DPP10: variants seen among roughly 807,000 people sequenced by gnomAD.
DPP10 encodes the protein dipeptidyl peptidase like 10, also known as inactive dipeptidyl peptidase 10.
DPP10 carries 33 observed loss-of-function variants against 120.9 expected under a neutral mutation model. That is an observed-to-expected ratio of 0.27 (90% CI 0.21 to 0.37). DPP10 has a LOEUF of 0.37. DPP10 is among the 10% of genes least tolerant of loss of function. The probability of loss-of-function intolerance (pLI) is 1.00; values close to 1 mark genes in which losing one functional copy is unlikely to be tolerated. For synonymous variants in DPP10, 337 were observed against 326.1 expected (o/e 1.03, Z -0.36); for missense variants, 816 against 942.8 (o/e 0.87, Z 1.76).
chr2:115,062,052 G>T (rs1201401287), intron 1 of DPP10, among the ~76,000 whole-genome samples: 3 of 146,938 alleles, frequency 2.0e-5, no homozygotes, highest in Admixed American at 6.8e-5. Context: ...TTTTAATTTT[G>T]AAATAATATA....
chr2:115,393,272 C>T (rs2067444936), intron 3 of DPP10, among the ~76,000 whole-genome samples: 1 of 150,216 alleles, frequency 6.7e-6, no homozygotes. Context: ...GAGATTGTGC[C>T]ACTGCACTCA....
chr2:115,450,851 CAT>C, intron 3 of DPP10, among the ~76,000 whole-genome samples: 1 of 151,752 alleles, frequency 6.6e-6, no homozygotes, highest in Non-Finnish European at 1.5e-5. Context: ...ATCTGTGCAC[CAT>C]GTTAGATTTT....
At chr2:114,889,528 C>T (rs6754444) in intron 1 of DPP10, among the ~76,000 whole-genome samples, 90,849 of 151,572 alleles carry the variant, frequency 0.6, 27,466 homozygotes, top group East Asian at 0.7. Flanking sequence ...AATAATGTAA[C>T]TTTTAGGGTT....
chr2:115,822,128 G>T (rs947179051), intron 21 of DPP10, among the ~76,000 whole-genome samples: 2 of 151,840 alleles, frequency 1.3e-5, no homozygotes, highest in African/African-American at 4.8e-5. Context: ...GATAATACTG[G>T]ACACCTTTTC....
chr2:115,650,329 T>A (rs1451164357), intron 5 of DPP10, among the ~76,000 whole-genome samples: 4 of 150,286 alleles, frequency 2.7e-5, no homozygotes, highest in East Asian at 2.0e-4. Flanking sequence ...ACTGAGTAAC[T>A]TTTTTTTGAC....
At chr2:114,732,365 A>G (rs1356326800) in intron 1 of DPP10, among the ~76,000 whole-genome samples, 2 of 152,210 alleles carry the variant, frequency 1.3e-5, no homozygotes, top group African/African-American at 4.8e-5. Flanking sequence ...TTTTGAGGTC[A>G]GAGAAAGCTT....
chr2:115,606,482 C>A (rs58719735), intron 5 of DPP10, among the ~76,000 whole-genome samples: 22,242 of 152,102 alleles, frequency 0.15, 2,615 homozygotes, highest in African/African-American at 0.33. Flanking sequence ...CCATTAATTT[C>A]TTTTAAATTG....
intron 10 of DPP10, among the ~76,000 whole-genome samples, chr2:115,749,648 G>A (rs2149733401): frequency 6.6e-6 from 1 of 152,240 alleles, no homozygotes; most frequent in Non-Finnish European, 1.5e-5. Flanking sequence ...GACAAGTAAT[G>A]CATAGTTATT....
intron 5 of DPP10, among the ~76,000 whole-genome samples, chr2:115,655,364 A>G (rs896322470): frequency 6.6e-5 from 10 of 151,752 alleles, no homozygotes; most frequent in Non-Finnish European, 1.5e-4. Context: ...GCACTCATGA[A>G]TACCTAGTGC....
At chr2:115,361,716 G>T (rs1235475905) in intron 3 of DPP10, among the ~76,000 whole-genome samples, 2 of 151,980 alleles carry the variant, frequency 1.3e-5, no homozygotes, top group African/African-American at 4.8e-5. Context: ...CTTAGGACCT[G>T]TTAAGGGCTG....
chr2:114,491,245 C>A (rs536192301), intron 1 of DPP10, among the ~76,000 whole-genome samples: 2 of 152,132 alleles, frequency 1.3e-5, no homozygotes, highest in African/African-American at 4.8e-5. Flanking sequence ...TTGGAAAATA[C>A]AATGAAGAAA....
chr2:115,254,788 T>A (rs2058908170), intron 1 of DPP10, among the ~76,000 whole-genome samples: 1 of 152,124 alleles, frequency 6.6e-6, no homozygotes. Context: ...TCCAAAATTA[T>A]CTCCTTTGAC....
chr2:115,666,618 A>G (rs915526279), intron 5 of DPP10, among the ~76,000 whole-genome samples: 32 of 152,174 alleles, frequency 2.1e-4, no homozygotes, highest in African/African-American at 7.5e-4. Flanking sequence ...TTAGTAGTCC[A>G]TGGTATGTAT....
intron 1 of DPP10, among the ~76,000 whole-genome samples, chr2:115,080,527 C>T (rs1001281609): frequency 1.3e-5 from 2 of 152,122 alleles, no homozygotes; most frequent in African/African-American, 4.8e-5. Context: ...GGAAACAACC[C>T]AGTCACATTA....
intron 3 of DPP10, among the ~76,000 whole-genome samples, chr2:115,372,587 A>T (rs2065487355): frequency 6.6e-6 from 1 of 152,186 alleles, no homozygotes; most frequent in African/African-American, 2.4e-5. Flanking sequence ...TTGCAGTGGG[A>T]CTATCACACA....
chr2:115,022,922 C>T (rs184701731), intron 1 of DPP10, among the ~76,000 whole-genome samples: 63 of 152,074 alleles, frequency 4.1e-4, no homozygotes, highest in Non-Finnish European at 7.4e-4. Context: ...TTCAACAAAT[C>T]GTGCTGAGAT....
At chr2:114,819,548 C>T (rs1267111834) in intron 1 of DPP10, among the ~76,000 whole-genome samples, 2 of 152,174 alleles carry the variant, frequency 1.3e-5, no homozygotes, top group Non-Finnish European at 2.9e-5. Context: ...AATCATGCAT[C>T]AGTTAGTTTT....
chr2:114,827,549 T>C (rs1037836976), intron 1 of DPP10, among the ~76,000 whole-genome samples: 4 of 152,160 alleles, frequency 2.6e-5, no homozygotes, highest in Non-Finnish European at 5.9e-5. Flanking sequence ...ATGTTTACGG[T>C]ATATACCTGG....
At chr2:115,001,724 C>G (rs79883304) in intron 1 of DPP10, among the ~76,000 whole-genome samples, 1 of 151,990 alleles carries the variant, frequency 6.6e-6, no homozygotes, top group Non-Finnish European at 1.5e-5. Context: ...AGGTGCAATT[C>G]CAAACACTAG....
Sources: gnomAD v4.1 joint callset for allele counts (sites outside exome capture counted in the v4.1 genomes callset) on GRCh38, gnomAD v4.1.1 for gene constraint, MANE v1.5 for transcripts, NCBI Gene and HGNC (gene_info 2026-07-23, HGNC 2026-07-21) for gene names.